MACROD2: variants seen among roughly 807,000 people sequenced by gnomAD.
MACROD2 encodes the protein mono-ADP ribosylhydrolase 2.
MACROD2 carries 36 observed loss-of-function variants against 70.4 expected under a neutral mutation model. The observed-to-expected ratio is 0.51, with a 90% confidence interval of 0.39 to 0.68. The LOEUF (loss-of-function observed/expected upper bound fraction) is 0.68, where lower values mean the gene tolerates loss of function less well. Among genes scored for constraint, MACROD2 ranks in the 30% least tolerant of loss-of-function variants. MACROD2 has a pLI of 0.00. For missense variants in MACROD2, 496 were observed against 538.4 expected, an observed-to-expected ratio of 0.92 and a Z score of 0.78; for synonymous variants, 172 against 178.8, an observed-to-expected ratio of 0.96 and a Z score of 0.30.
intron 8 of MACROD2, among the ~76,000 whole-genome samples, chr20:15,791,514 T>C (rs1311670646): frequency 6.6e-6 from 1 of 151,972 alleles, no homozygotes; most frequent in Non-Finnish European, 1.5e-5. Context: ...GTAGCTAACA[T>C]TCATTTAGAT....
At chr20:15,904,266 G>A (rs1395187006) in intron 10 of MACROD2, among the ~76,000 whole-genome samples, 1 of 151,956 alleles carries the variant, frequency 6.6e-6, no homozygotes, top group Admixed American at 6.6e-5. Flanking sequence ...CGACCCTCCA[G>A]CCTCGGCCTC....
chr20:14,092,494 G>A (rs1226995837), intron 3 of MACROD2, among the ~76,000 whole-genome samples: 1 of 152,102 alleles, frequency 6.6e-6, no homozygotes, highest in South Asian at 2.1e-4. Context: ...TAATATAATG[G>A]CATGTTTTGT....
intron 3 of MACROD2, among the ~76,000 whole-genome samples, chr20:14,187,859 AT>A (rs2081357493): frequency 6.6e-6 from 1 of 152,184 alleles, no homozygotes; most frequent in East Asian, 1.9e-4. Flanking sequence ...TCTATTAACT[AT>A]TTTTTTGTAT....
chr20:15,898,082 A>G lies in MACROD2; in HGVS notation c.775+12271A>G, dbSNP rs73614485. Among the ~76,000 whole-genome samples the G allele has an allele frequency of 3.9e-3, 590 of 152,330 alleles. 2 individuals are homozygous for G. The highest frequency in any genetic ancestry group is 0.023 in the South Asian group (113 of 4,828). On this transcript the variant is annotated intron_variant, in intron 10 of 17. Transcript: ENST00000684519. ...CCCATGTTAGTCCATGTATAAGATG[A>G]GGAAATCTCAACAGAGACCTTTTTT... is the stretch of plus-strand genomic sequence containing the variant.
intron 5 of MACROD2, among the ~76,000 whole-genome samples, chr20:14,860,462 G>A (rs1295883732): frequency 6.6e-6 from 1 of 152,194 alleles, no homozygotes; most frequent in African/African-American, 2.4e-5. Context: ...AATTTATGGC[G>A]AGAGTGAGAA....
intron 8 of MACROD2, among the ~76,000 whole-genome samples, chr20:15,546,770 C>A (rs1204681990): frequency 2.0e-5 from 3 of 152,122 alleles, no homozygotes; most frequent in Admixed American, 2.0e-4. Context: ...TCTCCCAGAG[C>A]AATTAAAAGG....
intron 4 of MACROD2, among the ~76,000 whole-genome samples, chr20:14,541,270 G>A (rs921763073): frequency 6.6e-6 from 1 of 152,112 alleles, no homozygotes; most frequent in African/African-American, 2.4e-5. Context: ...TTTTAGAGGT[G>A]CATTTAAGGT....
rs192600746 is a variant in MACROD2, at chr20:14,699,382, A to G, written c.418+14423A>G. Among the ~76,000 whole-genome samples, 621 of 152,306 alleles carry G rather than the reference A, an allele frequency of 4.1e-3. 2 individuals carry two copies. The highest frequency in any genetic ancestry group is 6.6e-3 in the Non-Finnish European group (451 of 68,012). On this transcript the variant is annotated intron_variant, in intron 5 of 17. Transcript: ENST00000684519. ...TTGATGTGTATTTCCTCTGTGTTCA[A>G]ACTGTTCAGATTTTATGGGAAATAA...
At chr20:14,694,171 A>G (rs1471337704) in intron 5 of MACROD2, among the ~76,000 whole-genome samples, 5 of 152,208 alleles carry the variant, frequency 3.3e-5, no homozygotes, top group Non-Finnish European at 5.9e-5. Context: ...AGGATAGTTC[A>G]TACATTTTTG....
intron 3 of MACROD2, among the ~76,000 whole-genome samples, chr20:14,461,347 T>A (rs1256027251): frequency 6.6e-6 from 1 of 152,012 alleles, no homozygotes; most frequent in East Asian, 1.9e-4. Context: ...TAGTGGTTTA[T>A]CTATTTTGTT....
chr20:14,978,630 A>T (rs1299076521), intron 5 of MACROD2, among the ~76,000 whole-genome samples: 2 of 64,344 alleles, frequency 3.1e-5, no homozygotes, highest in Non-Finnish European at 5.9e-5. Flanking sequence ...CAACCCCCCC[A>T]CCCCACCCCA....
chr20:15,472,737 T>C (rs2046977660), intron 7 of MACROD2, among the ~76,000 whole-genome samples: 1 of 152,192 alleles, frequency 6.6e-6, no homozygotes. Context: ...TATTAACTAG[T>C]TTCTTACCTT....
chr20:15,082,921 G>A (rs1016653027), intron 5 of MACROD2, among the ~76,000 whole-genome samples: 2 of 152,108 alleles, frequency 1.3e-5, no homozygotes, highest in African/African-American at 4.8e-5. Context: ...GTTAAATGTA[G>A]ATGTAAAATT....
intron 15 of MACROD2, among the ~76,000 whole-genome samples, chr20:16,036,278 C>CT (rs1368269629): frequency 4.9e-5 from 3 of 61,438 alleles, no homozygotes; most frequent in Non-Finnish European, 1.1e-4. Context: ...GCTTGGAGGA[C>CT]TCCTCCCCCG....
intron 8 of MACROD2, among the ~76,000 whole-genome samples, chr20:15,504,408 A>G (rs1407212880): frequency 6.6e-6 from 1 of 152,224 alleles, no homozygotes; most frequent in Non-Finnish European, 1.5e-5. Flanking sequence ...AAAAGGCTGT[A>G]ATTGAGGCAC....
intron 3 of MACROD2, among the ~76,000 whole-genome samples, chr20:14,196,264 C>A (rs1222602760): frequency 6.6e-6 from 1 of 152,158 alleles, no homozygotes; most frequent in Non-Finnish European, 1.5e-5. Flanking sequence ...CTTCTAATAT[C>A]CTCTTCACTT....
rs537920996 is a variant in MACROD2 at position 14,838,048 on chromosome 20, A to G, written c.418+153089A>G. 7.3e-4 allele frequency among the ~76,000 whole-genome samples: 111 copies of G among 152,226 alleles called. 2 individuals are homozygous for G. Among genetic ancestry groups the G allele is most frequent in the Admixed American group, 1.6e-3 (24 of 15,296 alleles). ...CTATTGGGCAAAAATAGTAGTTAAC[A>G]TATGTAAAACAAGGAGAATTGTTCA... On this transcript the variant is annotated intron_variant, in intron 5 of 17. Coordinates refer to ENST00000684519, the MANE Select transcript of MACROD2 (RefSeq NM_001351661.2).
intron 12 of MACROD2, among the ~76,000 whole-genome samples, chr20:15,966,939 A>G (rs1774755182): frequency 6.6e-6 from 1 of 152,160 alleles, no homozygotes; most frequent in Non-Finnish European, 1.5e-5. Context: ...TAGCCATGTT[A>G]AACATGGATA....
intron 5 of MACROD2, among the ~76,000 whole-genome samples, chr20:14,722,495 T>G (rs1701975248): frequency 6.6e-6 from 1 of 152,226 alleles, no homozygotes; most frequent in Non-Finnish European, 1.5e-5. Context: ...ACCCACTTGT[T>G]CAAACTCTCC....
Sources: gnomAD v4.1 joint callset for allele counts (sites outside exome capture counted in the v4.1 genomes callset) on GRCh38, gnomAD v4.1.1 for gene constraint, MANE v1.5 for transcripts, NCBI Gene and HGNC (gene_info 2026-07-23, HGNC 2026-07-21) for gene names.